Variants in TNR observed in about 807,000 individuals in gnomAD.
TNR encodes the protein tenascin R.
In TNR, 45 loss-of-function variants were observed where a neutral mutation model predicts 150.4. The observed-to-expected ratio is 0.30, with a 90% CI of 0.24 to 0.38. TNR has a LOEUF of 0.38. Ranked by LOEUF, TNR falls within the 10% of genes least tolerant of loss-of-function variation. The pLI is 1.00. For missense variants in TNR, 1,544 were observed against 1,759.1 expected (o/e 0.88, Z 2.19); for synonymous variants, 687 against 678.4 (o/e 1.01, Z -0.20).
At chr1:175,594,967 C>A (rs1360797662) in intron 1 of TNR, among the ~76,000 whole-genome samples, 1 of 151,674 alleles carries the variant, frequency 6.6e-6, no homozygotes, top group Non-Finnish European at 1.5e-5. Flanking sequence ...GAGTTTGAGA[C>A]CAGCCTGTCC....
intron 1 of TNR, among the ~76,000 whole-genome samples, chr1:175,698,821 C>CAAA (rs368818542): frequency 6.9e-6 from 1 of 145,262 alleles, no homozygotes; most frequent in Non-Finnish European, 1.5e-5. Context: ...GACTCTGTCT[C>CAAA]AAAAAAAAAA....
intron 1 of TNR, among the ~76,000 whole-genome samples, chr1:175,737,919 G>A (rs1168954215): frequency 6.6e-6 from 1 of 152,164 alleles, no homozygotes; most frequent in Non-Finnish European, 1.5e-5. Flanking sequence ...ATAACCCAGA[G>A]ACGTGCTCCC....
rs556002835 is a variant in TNR at position 175,736,190 on chromosome 1, A to T, written c.-165+7036T>A. On this transcript the variant is annotated intron_variant, in intron 1 of 22. Transcript: ENST00000367674. Reference sequence around the variant, plus strand: ...ACAGACACTGTCCCAGGGACTTTGTACTCATGCCTCATTTAATTCTCACAA... The same window carrying T: ...ACAGACACTGTCCCAGGGACTTTGTTCTCATGCCTCATTTAATTCTCACAA... 1.2e-4 allele frequency among the ~76,000 whole-genome samples: 18 copies of T among 152,312 alleles called. 1 individual carries two copies. The highest frequency in any genetic ancestry group is 3.8e-4 in the African/African-American group (16 of 41,566).
chr1:175,339,174 C>T (rs1174157609), intron 18 of TNR, among the ~76,000 whole-genome samples: 1 of 152,170 alleles, frequency 6.6e-6, no homozygotes, highest in East Asian at 1.9e-4. Flanking sequence ...TGCTGGAACT[C>T]ATATTTTCAG....
intron 1 of TNR, among the ~76,000 whole-genome samples, chr1:175,672,884 C>T (rs1039680193): frequency 3.9e-5 from 6 of 152,264 alleles, no homozygotes; most frequent in African/African-American, 1.4e-4. Context: ...CTACTCTTTT[C>T]CCCCAATCAA....
At chr1:175,559,348 C>T (rs1470212307) in intron 1 of TNR, among the ~76,000 whole-genome samples, 2 of 152,190 alleles carry the variant, frequency 1.3e-5, no homozygotes, top group Non-Finnish European at 2.9e-5. Flanking sequence ...CCTCAAAATG[C>T]ATTATTTGTA....
intron 1 of TNR, among the ~76,000 whole-genome samples, chr1:175,733,345 A>T (rs2101955645): frequency 6.6e-6 from 1 of 152,278 alleles, no homozygotes; most frequent in East Asian, 1.9e-4. Flanking sequence ...GAGTGCAGAG[A>T]GAGAGACAGG....
At chr1:175,675,088 G>C (rs1665818955) in intron 1 of TNR, among the ~76,000 whole-genome samples, 1 of 152,202 alleles carries the variant, frequency 6.6e-6, no homozygotes, top group Non-Finnish European at 1.5e-5. Flanking sequence ...ATATAATGTA[G>C]AAAGATTGCA....
At chr1:175,366,276 A>C (rs1385540) in intron 10 of TNR, 138 bp from the exon 11 acceptor site, 696,463 of 885,400 alleles carry the variant, frequency 0.79, 275,497 homozygotes, top group African/African-American at 0.84. Context: ...ACACTTATCT[A>C]ATATTTTGCT....
chr1:175,390,779 C>T (rs756516444), intron 7 of TNR, among the ~76,000 whole-genome samples: 2 of 152,252 alleles, frequency 1.3e-5, no homozygotes, highest in Non-Finnish European at 2.9e-5. Context: ...AGCACTCACT[C>T]TCATCAGCAC....
intron 2 of TNR, among the ~76,000 whole-genome samples, chr1:175,411,982 T>C (rs1201279191): frequency 6.6e-6 from 1 of 152,116 alleles, no homozygotes; most frequent in Non-Finnish European, 1.5e-5. Context: ...ATTTAGCGAT[T>C]GTTATGGTTT....
At chr1:175,490,939 A>G (rs982720954) in intron 2 of TNR, among the ~76,000 whole-genome samples, 7 of 152,202 alleles carry the variant, frequency 4.6e-5, no homozygotes, top group African/African-American at 1.4e-4. Context: ...TTGCAGCACT[A>G]TTCACAATAG....
rs186516134 is a variant in TNR, at chr1:175,479,724, A to G, written c.-64+48545T>C. ...ACTCACAGAGGCAACTGAATCCTCA[A>G]TCTGATATGTGGGCTTCTGAAGATC... On this transcript the variant is annotated intron_variant, in intron 2 of 22. Transcript: ENST00000367674. Among the ~76,000 whole-genome samples, 405 of 152,224 alleles carry G rather than the reference A, an allele frequency of 2.7e-3. 3 individuals are homozygous for G. In the Middle Eastern group the frequency reaches 0.027, roughly 10 times the overall value.
At chr1:175,590,221 T>A (rs1662745388) in intron 1 of TNR, among the ~76,000 whole-genome samples, 1 of 152,244 alleles carries the variant, frequency 6.6e-6, no homozygotes, top group Non-Finnish European at 1.5e-5. Flanking sequence ...TATATTTGCT[T>A]ACCTGTAGTA....
chr1:175,416,813 C>T (rs1571409517), intron 2 of TNR, among the ~76,000 whole-genome samples: 2 of 152,054 alleles, frequency 1.3e-5, no homozygotes, highest in Admixed American at 1.3e-4. Context: ...TCGAGACTGT[C>T]CTGGTTAACA....
At chr1:175,441,519 C>T (rs905709432) in intron 2 of TNR, among the ~76,000 whole-genome samples, 1 of 152,068 alleles carries the variant, frequency 6.6e-6, no homozygotes, top group Non-Finnish European at 1.5e-5. Flanking sequence ...GCAAATTCAT[C>T]TTAGATTATT....
chr1:175,672,559 A>C (rs1323884012), intron 1 of TNR, among the ~76,000 whole-genome samples: 1 of 152,226 alleles, frequency 6.6e-6, no homozygotes, highest in Non-Finnish European at 1.5e-5. Flanking sequence ...TCTCCATCCA[A>C]AGGCAGTTTC....
chr1:175,406,963 G>A (rs957497156), intron 2 of TNR, among the ~76,000 whole-genome samples, 186 bp from the exon 3 acceptor site: 2 of 152,180 alleles, frequency 1.3e-5, no homozygotes, highest in Non-Finnish European at 2.9e-5. Flanking sequence ...CTGGACCCCT[G>A]AAAATGGACA....
chr1:175,618,233 C>A (rs1663843969), intron 1 of TNR, among the ~76,000 whole-genome samples: 1 of 152,168 alleles, frequency 6.6e-6, no homozygotes, highest in Non-Finnish European at 1.5e-5. Flanking sequence ...AAGTAAGTTG[C>A]AATTAGACTG....
Sources: gnomAD v4.1 joint callset for allele counts (sites outside exome capture counted in the v4.1 genomes callset) on GRCh38, gnomAD v4.1.1 for gene constraint, MANE v1.5 for transcripts, NCBI Gene and HGNC (gene_info 2026-07-23, HGNC 2026-07-21) for gene names.